Variants in DDX10 observed in about 807,000 individuals in gnomAD.
DDX10 encodes the protein DEAD-box helicase 10.
DDX10 carries 74 observed loss-of-function variants against 104.3 expected under a neutral mutation model. The ratio of observed to expected loss-of-function variants is 0.71; its 90% CI spans 0.59 to 0.86. DDX10 has a LOEUF of 0.86. Ranked by LOEUF, DDX10 falls within the 40% of genes least tolerant of loss-of-function variation. The pLI is 0.00. For missense variants in DDX10, 952 were observed against 1,040.0 expected (o/e 0.92, Z 1.16); for synonymous variants, 351 against 353.4 (o/e 0.99, Z 0.08).
intron 16 of DDX10, among the ~76,000 whole-genome samples, chr11:108,904,549 A>G (rs1863565243): frequency 6.6e-6 from 1 of 152,174 alleles, no homozygotes. Flanking sequence ...AGTACCTGCA[A>G]AGAGTAGTTT....
intron 17 of DDX10, among the ~76,000 whole-genome samples, chr11:108,930,550 T>C (rs560018628): frequency 1.3e-5 from 2 of 152,212 alleles, no homozygotes; most frequent in Non-Finnish European, 2.9e-5. Flanking sequence ...GGAGTATATT[T>C]AGTTTTATAA....
chr11:108,785,988 A>C (rs1277375718), intron 13 of DDX10, among the ~76,000 whole-genome samples: 1 of 152,102 alleles, frequency 6.6e-6, no homozygotes, highest in Non-Finnish European at 1.5e-5. Flanking sequence ...TAGTGCTATA[A>C]ACTTTCCTCT....
chr11:108,913,511 T>C (rs1178303514), intron 16 of DDX10, among the ~76,000 whole-genome samples: 2 of 152,154 alleles, frequency 1.3e-5, no homozygotes, highest in Non-Finnish European at 2.9e-5. Context: ...GTCTGTCCTT[T>C]GTCCACAAGG....
chr11:108,902,011 G>T (rs1863522856), intron 16 of DDX10, among the ~76,000 whole-genome samples: 1 of 152,148 alleles, frequency 6.6e-6, no homozygotes, highest in African/African-American at 2.4e-5. Context: ...GGACTGTATT[G>T]TTCTTTGTGT....
chr11:108,852,710 A>G (rs1391439773), intron 16 of DDX10, among the ~76,000 whole-genome samples: 1 of 152,224 alleles, frequency 6.6e-6, no homozygotes, highest in East Asian at 1.9e-4. Context: ...TTCAGCAAAT[A>G]CATATGTACA....
intron 17 of DDX10, among the ~76,000 whole-genome samples, chr11:108,926,760 T>G (rs1391529206): frequency 6.6e-6 from 1 of 152,144 alleles, no homozygotes; most frequent in Non-Finnish European, 1.5e-5. Flanking sequence ...TTAAAATTTA[T>G]GGTAAGGGGA....
chr11:108,723,204 A>G lies in DDX10; in HGVS notation c.1707A>G (p.Thr569=), dbSNP rs1469204985. Residue 569 remains threonine, a synonymous_variant, in exon 13 of 18, where the codon ACA becomes ACG. Transcript: ENST00000322536. The stretch of plus-strand genomic sequence containing the variant: ...AAGGTGGAAAAAGACTCGAAGGGAC[A>G]GAGCACAGACAGGATAATGATACTG... ...LQKGGKRLEG[T]EHRQDNDTGN... The G allele has an allele frequency of 1.9e-6, 3 of 1,613,812 alleles. No individual in the cohort carries two copies. The highest frequency in any genetic ancestry group is 4.5e-5 in the East Asian group (2 of 44,792).
rs1015791271 is a variant in DDX10 at position 108,918,205 on chromosome 11, T to C, written c.2450+187T>C. 1.9e-5 allele frequency: 12 copies of C among 621,750 alleles called. No homozygotes were observed. The African/African-American group carries it at 2.0e-4, about 11-fold the overall frequency. 38.5% of individuals were successfully genotyped at this position (621,750 alleles called of 1,614,324 possible). A position where few individuals can be genotyped will look rare whatever the true frequency, so the allele number is the denominator to read the frequency against. ...CTCATTTTGCTGCAGATTGTTCTGG[T>C]CATGTTAGGGCCTTTTTGATTATTT... On this transcript the variant is annotated intron_variant, in intron 17 of 17. Coordinates refer to ENST00000322536, the MANE Select transcript of DDX10 (RefSeq NM_004398.4).
intron 13 of DDX10, among the ~76,000 whole-genome samples, chr11:108,812,254 A>G (rs190887015): frequency 2.0e-5 from 3 of 152,338 alleles, no homozygotes; most frequent in African/African-American, 4.8e-5. Flanking sequence ...GATTTGTTAA[A>G]CAAATCCTGA....
chr11:108,786,987 C>A (rs1209429850), intron 13 of DDX10, among the ~76,000 whole-genome samples: 1 of 150,244 alleles, frequency 6.7e-6, no homozygotes, highest in Non-Finnish European at 1.5e-5. Flanking sequence ...AGGTTTTAAA[C>A]TTTTATTTCA....
intron 13 of DDX10, among the ~76,000 whole-genome samples, chr11:108,830,333 T>C (rs1862451558): frequency 6.6e-6 from 1 of 152,182 alleles, no homozygotes; most frequent in Non-Finnish European, 1.5e-5. Context: ...CTGAAAGAGG[T>C]TGAGTTCTTG....
At chr11:108,766,638 G>A (rs1185699522) in intron 13 of DDX10, among the ~76,000 whole-genome samples, 1 of 152,168 alleles carries the variant, frequency 6.6e-6, no homozygotes, top group East Asian at 1.9e-4. Flanking sequence ...TTAACAAAAC[G>A]ATATGGAGGA....
chr11:108,733,957 A>G (rs2094315385), intron 13 of DDX10, among the ~76,000 whole-genome samples: 1 of 152,246 alleles, frequency 6.6e-6, no homozygotes, highest in African/African-American at 2.4e-5. Context: ...TAAACAGTGA[A>G]GGATTCCTTC....
rs184193546 is a variant in DDX10, at chr11:108,695,089, T to C, written c.1223+1489T>C. Among the ~76,000 whole-genome samples, 565 of 152,312 alleles carry C rather than the reference T, an allele frequency of 3.7e-3. 11 individuals are homozygous for C. Among genetic ancestry groups the C allele is most frequent in the Non-Finnish European group, 2.2e-3 (149 of 68,022 alleles). The stretch of plus-strand genomic sequence containing the variant: ...TCTGGATAGCATATGGTAATACTTA[T>C]TAACAACCTTACAGTTCTTGTTTTT... On this transcript the variant is annotated intron_variant, in intron 9 of 17. Transcript: ENST00000322536.
At chr11:108,720,668 G>A (rs1455234658) in intron 12 of DDX10, among the ~76,000 whole-genome samples, 1 of 152,080 alleles carries the variant, frequency 6.6e-6, no homozygotes, top group Non-Finnish European at 1.5e-5. Flanking sequence ...ATGGCTCACT[G>A]CATCCTTGAC....
intron 17 of DDX10, among the ~76,000 whole-genome samples, chr11:108,932,250 T>G (rs1863984343): frequency 6.6e-6 from 1 of 151,986 alleles, no homozygotes; most frequent in East Asian, 1.9e-4. Context: ...GACCAGGCTT[T>G]CCTATTTAAA....
chr11:108,699,357 T>A (rs777506115), intron 9 of DDX10, among the ~76,000 whole-genome samples: 1 of 152,238 alleles, frequency 6.6e-6, no homozygotes, highest in Non-Finnish European at 1.5e-5. Context: ...CTGGGTCCTC[T>A]GGCTCTCAGT....
At position 108,887,582 on chromosome 11, in the gene DDX10, T is replaced by TAA. The variant is rs34226825; in HGVS notation, c.2305-30279_2305-30278dup. On this transcript the variant is annotated intron_variant, in intron 16 of 17. Coordinates refer to ENST00000322536, the MANE Select transcript of DDX10 (RefSeq NM_004398.4). ...ACTAACCGGAAACTCATAGTCTGCTTAAAAAAAAAAAAACAAACCAGAAAC... is the reference window on the plus strand; with the variant it reads ...ACTAACCGGAAACTCATAGTCTGCTTAAAAAAAAAAAAAAACAAACCAGAAAC... Among the ~76,000 whole-genome samples, 307 of 140,940 alleles carry TAA rather than the reference T, an allele frequency of 2.2e-3. 3 individuals carry two copies. The East Asian group carries it at 0.034, about 15-fold the overall frequency. 92.5% of individuals were successfully genotyped at this position (140,940 alleles called of 152,430 possible). A position where few individuals can be genotyped will look rare whatever the true frequency, so the allele number is the denominator to read the frequency against.
chr11:108,686,733 G>T (rs982544177), intron 6 of DDX10, among the ~76,000 whole-genome samples: 4 of 152,188 alleles, frequency 2.6e-5, no homozygotes, highest in Admixed American at 6.5e-5. Context: ...GTGGACGTAT[G>T]TTTTCAACTC....
Sources: gnomAD v4.1 joint callset for allele counts (sites outside exome capture counted in the v4.1 genomes callset) on GRCh38, gnomAD v4.1.1 for gene constraint, MANE v1.5 for transcripts, NCBI Gene and HGNC (gene_info 2026-07-23, HGNC 2026-07-21) for gene names.